FAM227B: variants seen among roughly 807,000 people sequenced by gnomAD.
The protein encoded by FAM227B is family with sequence similarity 227 member B.
A neutral mutation model predicts 73.8 loss-of-function variants in FAM227B; 88 were observed. The observed-to-expected ratio is 1.19, with a 90% CI of 1.00 to 1.42. FAM227B has a LOEUF of 1.42. Among genes scored for constraint, FAM227B ranks in the 40% most tolerant of loss-of-function variants. The pLI, the probability that FAM227B is intolerant of heterozygous loss-of-function variation, is 0.00. For missense variants in FAM227B, 632 were observed against 590.9 expected (o/e 1.07, Z -0.72); for synonymous variants, 210 against 190.5 (o/e 1.10, Z -0.84).
intron 10 of FAM227B, among the ~76,000 whole-genome samples, chr15:49,516,519 C>T (rs906602264): frequency 6.6e-6 from 1 of 151,874 alleles, no homozygotes; most frequent in Non-Finnish European, 1.5e-5. Context: ...GCAGATAGTT[C>T]AGTGATTTTT....
At chr15:49,361,868 G>A (rs2044298448) in intron 13 of FAM227B, among the ~76,000 whole-genome samples, 2 of 152,098 alleles carry the variant, frequency 1.3e-5, no homozygotes, top group African/African-American at 4.8e-5. Context: ...CACCAGCAGT[G>A]TATAAGCATT....
At position 49,615,185 on chromosome 15, in the gene FAM227B, T is replaced by C. The variant is rs547232178; in HGVS notation, c.-14A>G. 1.2e-6 allele frequency: 2 copies of C among 1,613,934 alleles called. No individual in the cohort carries two copies. Among genetic ancestry groups the C allele is most frequent in the Non-Finnish European group, 1.7e-6 (2 of 1,179,796 alleles). On this transcript the variant is annotated 5_prime_UTR_variant, in exon 2 of 16. Coordinates refer to ENST00000299338, the MANE Select transcript of FAM227B (RefSeq NM_152647.3). Reference sequence around the variant, plus strand: ...TTGGCCTGCCATGGTACAGTAACTTTGCAGAAATGAAGAGAAATCAGCTGG... The same window carrying C: ...TTGGCCTGCCATGGTACAGTAACTTCGCAGAAATGAAGAGAAATCAGCTGG...
At chr15:49,543,134 A>G (rs2071321772) in intron 9 of FAM227B, among the ~76,000 whole-genome samples, 1 of 152,162 alleles carries the variant, frequency 6.6e-6, no homozygotes. Context: ...AGCAGTGTAA[A>G]AGTGTTCCCT....
intron 3 of FAM227B, among the ~76,000 whole-genome samples, chr15:49,602,185 G>A (rs896755364): frequency 6.6e-6 from 1 of 152,104 alleles, no homozygotes; most frequent in Admixed American, 6.5e-5. Flanking sequence ...AGATTGTATG[G>A]TAGCTCTATC....
At chr15:49,340,993 T>C (rs1272079808) in intron 13 of FAM227B, among the ~76,000 whole-genome samples, 1 of 152,244 alleles carries the variant, frequency 6.6e-6, no homozygotes, top group Non-Finnish European at 1.5e-5. Flanking sequence ...GCTGGCCAGC[T>C]ATCCCAGTAC....
intron 11 of FAM227B, among the ~76,000 whole-genome samples, chr15:49,374,810 G>A (rs1356902987): frequency 1.3e-5 from 2 of 152,128 alleles, no homozygotes; most frequent in Non-Finnish European, 2.9e-5. Context: ...TCCCAAAGTG[G>A]TAGGATTACA....
intron 11 of FAM227B, among the ~76,000 whole-genome samples, chr15:49,428,594 G>A (rs1356815205): frequency 1.3e-5 from 2 of 151,960 alleles, no homozygotes; most frequent in East Asian, 3.9e-4. Flanking sequence ...TTGAGGTGCC[G>A]AGTGAGAGAA....
chr15:49,529,289 G>A (rs1161484219), intron 10 of FAM227B, among the ~76,000 whole-genome samples: 1 of 151,206 alleles, frequency 6.6e-6, no homozygotes, highest in African/African-American at 2.4e-5. Context: ...TGGATATAAA[G>A]ATTAAAAAAA....
intron 11 of FAM227B, among the ~76,000 whole-genome samples, chr15:49,396,600 T>A (rs997757394): frequency 2.0e-5 from 3 of 152,104 alleles, no homozygotes; most frequent in African/African-American, 4.8e-5. Flanking sequence ...TGTCCCTGTC[T>A]GACAGCTTTG....
At chr15:49,515,038 C>T (rs867981778) in intron 10 of FAM227B, among the ~76,000 whole-genome samples, 59 of 152,218 alleles carry the variant, frequency 3.9e-4, no homozygotes, top group African/African-American at 1.4e-3. Flanking sequence ...AAGATCTCAG[C>T]CATTACCTTC....
chr15:49,403,585 A>ATT (rs1382326873), intron 11 of FAM227B, among the ~76,000 whole-genome samples: 15 of 151,686 alleles, frequency 9.9e-5, no homozygotes, highest in Admixed American at 9.2e-4. Flanking sequence ...GGTTGTTTGT[A>ATT]TTTCTGTGAG....
At chr15:49,455,618 A>G (rs1304265869) in intron 11 of FAM227B, among the ~76,000 whole-genome samples, 3 of 152,152 alleles carry the variant, frequency 2.0e-5, no homozygotes, top group Non-Finnish European at 4.4e-5. Flanking sequence ...TTAAAGAAAT[A>G]TTTTTAACAA....
intron 2 of FAM227B, among the ~76,000 whole-genome samples, chr15:49,613,027 G>A (rs181507123): frequency 1.3e-5 from 2 of 152,096 alleles, no homozygotes; most frequent in South Asian, 2.1e-4. Flanking sequence ...GAAGTGAGGG[G>A]AAAGTGGGTA....
chr15:49,560,171 T>C (rs147129032), intron 9 of FAM227B, among the ~76,000 whole-genome samples: 40 of 151,634 alleles, frequency 2.6e-4, no homozygotes, highest in African/African-American at 8.9e-4. Context: ...CTAAACATCA[T>C]GAAAAGAAAT....
intron 11 of FAM227B, among the ~76,000 whole-genome samples, chr15:49,377,920 A>C (rs558108873): frequency 6.6e-6 from 1 of 152,100 alleles, no homozygotes; most frequent in Non-Finnish European, 1.5e-5. Context: ...GGTGTTGCTC[A>C]AAAAAATGTC....
chr15:49,400,820 C>T (rs1421282157), intron 11 of FAM227B, among the ~76,000 whole-genome samples: 2 of 150,772 alleles, frequency 1.3e-5, no homozygotes, highest in Non-Finnish European at 3.0e-5. Flanking sequence ...GAAACTTGAT[C>T]CCTTCCTTAC....
At chr15:49,329,303 TG>T (rs2038137111) in intron 15 of FAM227B, 1 of 985,330 alleles carries the variant, frequency 1.0e-6, no homozygotes, top group South Asian at 4.7e-5. Context: ...CTCTTGTGGA[TG>T]GACTATAGGA....
chr15:49,547,049 C>T (rs1226146462), intron 9 of FAM227B, among the ~76,000 whole-genome samples: 3 of 152,150 alleles, frequency 2.0e-5, no homozygotes, highest in Admixed American at 1.3e-4. Context: ...GGGTTACCCA[C>T]AAAGGGAAGC....
rs771303406 is a variant in FAM227B at position 49,328,631 on chromosome 15, C to A, written c.1464G>T (p.Ser488=). The A allele has an allele frequency of 1.9e-6, 3 of 1,581,042 alleles. No individual in the cohort carries two copies. In the South Asian group the frequency reaches 3.4e-5, roughly 18 times the overall value. ...EIERECVASL[S]SSSSSSPSST... Reference sequence around the variant, plus strand: ...ATGATGGTGATGATGATGATGATGACGATAGTGATGCCACACATTCTCTCT... The same window carrying A: ...ATGATGGTGATGATGATGATGATGAAGATAGTGATGCCACACATTCTCTCT... Residue 488 remains serine, a synonymous_variant, in exon 16 of 16, where the codon TCG becomes TCT. Coordinates refer to ENST00000299338, the MANE Select transcript of FAM227B (RefSeq NM_152647.3).
Sources: gnomAD v4.1 joint callset for allele counts (sites outside exome capture counted in the v4.1 genomes callset) on GRCh38, gnomAD v4.1.1 for gene constraint, MANE v1.5 for transcripts, NCBI Gene and HGNC (gene_info 2026-07-23, HGNC 2026-07-21) for gene names.